The following ROBO2 variants were observed in gnomAD, a reference collection of about 807,000 sequenced individuals.
ROBO2 encodes the protein roundabout homolog 2.
Under a neutral mutation model 160.8 loss-of-function variants are expected in ROBO2, and 53 were observed. The ratio of observed to expected loss-of-function variants is 0.33; its 90% CI spans 0.26 to 0.41. ROBO2 has a LOEUF of 0.41. Ranked by LOEUF, ROBO2 falls within the 10% of genes least tolerant of loss-of-function variation. ROBO2 has a pLI of 1.00. For missense variants in ROBO2, 1,577 were observed against 1,722.4 expected (o/e 0.92, Z 1.49); for synonymous variants, 664 against 611.7 (o/e 1.09, Z -1.26).
chr3:76,000,525 G>A (rs925261216), intron 2 of ROBO2, among the ~76,000 whole-genome samples: 4 of 130,280 alleles, frequency 3.1e-5, no homozygotes, highest in African/African-American at 1.2e-4. Context: ...CTCTCACTCT[G>A]TCCCCCAGGC....
intron 2 of ROBO2, among the ~76,000 whole-genome samples, chr3:77,296,154 G>A (rs879789426): frequency 6.6e-6 from 1 of 151,544 alleles, no homozygotes; most frequent in African/African-American, 2.4e-5. Context: ...AAAATTGACG[G>A]CTAAACGAGT....
At chr3:76,423,470 C>G (rs1359678164) in intron 2 of ROBO2, among the ~76,000 whole-genome samples, 1 of 152,026 alleles carries the variant, frequency 6.6e-6, no homozygotes, top group Non-Finnish European at 1.5e-5. Context: ...ATGAGAATAG[C>G]TGAGTAGATG....
At chr3:76,033,249 A>G (rs562877943) in intron 2 of ROBO2, among the ~76,000 whole-genome samples, 236 of 152,232 alleles carry the variant, frequency 1.6e-3, no homozygotes, top group African/African-American at 5.4e-3. Flanking sequence ...TTCTTTCTTT[A>G]GACAATATTA....
chr3:76,838,580 C>G (rs1384604292), intron 2 of ROBO2, among the ~76,000 whole-genome samples: 3 of 151,940 alleles, frequency 2.0e-5, no homozygotes, highest in Admixed American at 2.0e-4. Flanking sequence ...CCTTTCAGCT[C>G]CTCTCAAAAT....
At chr3:77,452,932 G>T (rs945655846) in intron 2 of ROBO2, among the ~76,000 whole-genome samples, 1 of 151,426 alleles carries the variant, frequency 6.6e-6, no homozygotes, top group East Asian at 1.9e-4. Flanking sequence ...CCTTAAAATG[G>T]GTATTTCTCA....
At chr3:75,912,952 C>T (rs1946662358) in intron 1 of ROBO2, among the ~76,000 whole-genome samples, 1 of 152,168 alleles carries the variant, frequency 6.6e-6, no homozygotes, top group Admixed American at 6.5e-5. Flanking sequence ...CAAATTACCA[C>T]ACATTTAAAT....
intron 20 of ROBO2, chr3:77,603,936 A>AT (rs1262458781): frequency 6.6e-6 from 1 of 151,982 alleles, no homozygotes; most frequent in African/African-American, 2.4e-5. Context: ...ATTTTGTTTT[A>AT]TTTTTTTAAT....
At chr3:77,590,735 T>C (rs1385977673) in intron 17 of ROBO2, among the ~76,000 whole-genome samples, 3 of 152,138 alleles carry the variant, frequency 2.0e-5, no homozygotes, top group Non-Finnish European at 4.4e-5. Context: ...AAATAAAATA[T>C]CTCTCATAGT....
Position 77,295,194 on chromosome 3 carries a change from A to G in ROBO2, c.389-182220A>G, listed in dbSNP as rs185579064. 9.8e-4 allele frequency among the ~76,000 whole-genome samples: 146 copies of G among 149,398 alleles called. 6 individuals are homozygous for G. Among genetic ancestry groups the G allele is most frequent in the African/African-American group, 3.6e-3 (142 of 39,708 alleles). On this transcript the variant is annotated intron_variant, in intron 2 of 25. Transcript: ENST00000461745. The stretch of plus-strand genomic sequence containing the variant: ...TGAGGCTAGATCACTAAAGACATAA[A>G]GTAAAATTGACGATTAAACGGTAAG...
chr3:77,546,057 A>T (rs2153648894), intron 6 of ROBO2, among the ~76,000 whole-genome samples: 2 of 152,268 alleles, frequency 1.3e-5, no homozygotes, highest in African/African-American at 4.8e-5. Context: ...AAAAATGTTA[A>T]AATCATTTAA....
intron 1 of ROBO2, among the ~76,000 whole-genome samples, chr3:75,915,730 T>C (rs1287357847): frequency 2.0e-5 from 3 of 152,090 alleles, no homozygotes; most frequent in African/African-American, 7.2e-5. Flanking sequence ...ATCAATGGTG[T>C]AGAGAGAAGA....
intron 2 of ROBO2, among the ~76,000 whole-genome samples, chr3:76,149,225 A>G (rs954329841): frequency 5.3e-5 from 8 of 152,062 alleles, no homozygotes; most frequent in African/African-American, 1.9e-4. Flanking sequence ...AATCTCTCCT[A>G]ATCCAAACTT....
intron 2 of ROBO2, among the ~76,000 whole-genome samples, chr3:76,383,058 C>T (rs1463846975): frequency 1.3e-5 from 2 of 152,064 alleles, no homozygotes; most frequent in Non-Finnish European, 2.9e-5. Flanking sequence ...ATTTGTAAGC[C>T]ATTGAAAACA....
At chr3:76,901,568 CAAAAAAAA>C (rs34372046) in intron 2 of ROBO2, among the ~76,000 whole-genome samples, 4 of 75,878 alleles carry the variant, frequency 5.3e-5, no homozygotes, top group Non-Finnish European at 7.0e-5. Context: ...AATTTCATCT[CAAAAAAAA>C]AAAAAAAAAA....
At chr3:76,779,536 A>G (rs1473594714) in intron 2 of ROBO2, among the ~76,000 whole-genome samples, 2 of 150,938 alleles carry the variant, frequency 1.3e-5, no homozygotes, top group African/African-American at 4.8e-5. Context: ...GACAACCACT[A>G]TTCTACTATC....
intron 2 of ROBO2, among the ~76,000 whole-genome samples, chr3:76,576,319 A>G (rs1343717425): frequency 1.3e-5 from 2 of 152,098 alleles, no homozygotes; most frequent in African/African-American, 2.4e-5. Context: ...AAGTGTCAGC[A>G]TGACTGACTT....
In ROBO2 at chr3:76,545,497, A is replaced by G. The variant is rs371316899; in HGVS notation, c.110-552517A>G. On this transcript the variant is annotated intron_variant, in intron 2 of 26. Transcript: ENST00000487694. ...AGTAATTACTGGGGAAACTGAGATGATTCTCCTTGAGCCTGAAGAATTATG... is the reference window on the plus strand; with the variant it reads ...AGTAATTACTGGGGAAACTGAGATGGTTCTCCTTGAGCCTGAAGAATTATG... Among the ~76,000 whole-genome samples the G allele has an allele frequency of 1.9e-4, 29 of 152,060 alleles. No homozygotes were observed. In the East Asian group the frequency reaches 4.8e-3, roughly 25 times the overall value.
intron 5 of ROBO2, among the ~76,000 whole-genome samples, chr3:77,515,508 A>G (rs2089920993): frequency 6.6e-6 from 1 of 151,768 alleles, no homozygotes; most frequent in African/African-American, 2.4e-5. Flanking sequence ...TATACAATCT[A>G]AGATAAACTT....
rs751598288 is a variant in ROBO2, at chr3:76,755,653, A to G, written c.110-342361A>G. Among the ~76,000 whole-genome samples, 8 of 151,964 alleles carry G rather than the reference A, an allele frequency of 5.3e-5. No homozygotes were observed. In the South Asian group the frequency reaches 6.2e-4, roughly 12 times the overall value. On this transcript the variant is annotated intron_variant, in intron 2 of 26. Transcript: ENST00000487694. ...GAACTCAACTTCCTTGTTGTAATGG[A>G]CAATATCTTTTTTCAGTTTTGTACA...
Sources: allele counts gnomAD v4.1 joint callset (sites outside exome capture counted in the v4.1 genomes callset), GRCh38; gene constraint gnomAD v4.1.1; transcripts MANE v1.5; gene names NCBI Gene and HGNC (gene_info 2026-07-23, HGNC 2026-07-21).